VCL: variants seen among roughly 807,000 people sequenced by gnomAD.
VCL encodes the protein epididymis luminal protein 114.
In VCL, 47 loss-of-function variants were observed where a neutral mutation model predicts 125.7. The observed-to-expected ratio is 0.37, with a 90% CI of 0.30 to 0.48. The LOEUF is 0.48. Ranked by LOEUF, VCL falls within the 20% of genes least tolerant of loss-of-function variation. The probability of loss-of-function intolerance (pLI) is 0.99; values close to 1 mark genes in which losing one functional copy is unlikely to be tolerated. For missense variants in VCL, 1,069 were observed against 1,455.5 expected (o/e 0.73, Z 4.32); for synonymous variants, 458 against 514.6 (o/e 0.89, Z 1.49).
chr10:74,093,406 C>A (rs1839919358), intron 10 of VCL, among the ~76,000 whole-genome samples: 1 of 152,188 alleles, frequency 6.6e-6, no homozygotes, highest in African/African-American at 2.4e-5. Flanking sequence ...TATCCAACCT[C>A]ATACCTCCAT....
At chr10:74,053,920 A>AAATGTACCAT (rs1257863929) in intron 2 of VCL, among the ~76,000 whole-genome samples, 3 of 152,150 alleles carry the variant, frequency 2.0e-5, no homozygotes, top group African/African-American at 7.2e-5. Flanking sequence ...AAATTAGAGA[A>AAATGTACCAT]TTTAAAAATT....
At chr10:74,115,035 C>T (rs1591720887) in intron 21 of VCL, 136 bp downstream of exon 21, 1 of 904,858 alleles carries the variant, frequency 1.1e-6, no homozygotes, top group Admixed American at 2.0e-5. Context: ...CAGACTGTCT[C>T]AGGAGGGGAA....
chr10:74,026,203 T>C (rs899302469), intron 1 of VCL, among the ~76,000 whole-genome samples: 3 of 152,228 alleles, frequency 2.0e-5, no homozygotes, highest in Non-Finnish European at 4.4e-5. Flanking sequence ...CCTTTTCCTA[T>C]TGGCATAGCT....
intron 1 of VCL, among the ~76,000 whole-genome samples, chr10:74,001,666 G>A (rs189859804): frequency 2.2e-4 from 34 of 152,218 alleles, no homozygotes; most frequent in African/African-American, 7.2e-4. Context: ...ATTAGAAGAA[G>A]AAATAATAGA....
At chr10:74,035,972 A>ATGT (rs1200547675) in intron 1 of VCL, among the ~76,000 whole-genome samples, 1 of 152,112 alleles carries the variant, frequency 6.6e-6, no homozygotes, top group Non-Finnish European at 1.5e-5. Flanking sequence ...ATGTGGGAGG[A>ATGT]TGTGTGTAAG....
At chr10:74,092,519 G>C (rs1486948784) in intron 10 of VCL, among the ~76,000 whole-genome samples, 1 of 152,152 alleles carries the variant, frequency 6.6e-6, no homozygotes, top group Non-Finnish European at 1.5e-5. Flanking sequence ...GCCAGATCTT[G>C]GGCAACTGGA....
intron 1 of VCL, among the ~76,000 whole-genome samples, chr10:74,015,993 TTTTA>T (rs1419334724): frequency 6.6e-6 from 1 of 151,992 alleles, no homozygotes; most frequent in Non-Finnish European, 1.5e-5. Flanking sequence ...CCTTTTTTCT[TTTTA>T]TTTATTTGCT....
chr10:74,000,646 C>T (rs1840209218), intron 1 of VCL, among the ~76,000 whole-genome samples: 1 of 152,086 alleles, frequency 6.6e-6, no homozygotes, highest in Admixed American at 6.6e-5. Flanking sequence ...ATCTCTTGAC[C>T]TTGTGATTTG....
chr10:74,043,275 C>A, intron 2 of VCL, 122 bp downstream of exon 2: 1 of 903,344 alleles, frequency 1.1e-6, no homozygotes, highest in Non-Finnish European at 1.7e-6. Context: ...ATTGAAATTT[C>A]AACTTTTTTG....
chr10:74,077,631 C>T (rs1391950662), intron 6 of VCL: 2 of 436,228 alleles, frequency 4.6e-6, no homozygotes, highest in Non-Finnish European at 9.2e-6. Flanking sequence ...TCTTTCACCT[C>T]TTCTCGCCCC....
At chr10:73,998,435 C>A (rs1480299508) in intron 1 of VCL, 60 bp downstream of exon 1, 7 of 1,306,340 alleles carry the variant, frequency 5.4e-6, no homozygotes, top group Non-Finnish European at 3.9e-6. Flanking sequence ...GGCCCCGGCC[C>A]GCGTCGCGGC....
At chr10:74,001,565 G>A (rs1840225773) in intron 1 of VCL, among the ~76,000 whole-genome samples, 2 of 152,120 alleles carry the variant, frequency 1.3e-5, no homozygotes, top group Non-Finnish European at 2.9e-5. Context: ...AGACAAATTG[G>A]GAAGCTTTTA....
chr10:74,072,293 A>G (rs1352522770), intron 4 of VCL, among the ~76,000 whole-genome samples: 2 of 152,206 alleles, frequency 1.3e-5, no homozygotes, highest in Non-Finnish European at 2.9e-5. Flanking sequence ...ATATGAAAAC[A>G]AAACATATCA....
At chr10:74,082,624 T>C in intron 7 of VCL, 80 bp downstream of exon 7, 1 of 1,432,962 alleles carries the variant, frequency 7.0e-7, no homozygotes, top group South Asian at 1.2e-5. Context: ...AATTTTCCCA[T>C]AATCTCATCA....
In VCL at chr10:74,115,002, G is replaced by A. The variant is rs878864341; in HGVS notation, c.3258+103G>A. On this transcript the variant is annotated intron_variant, in intron 21 of 21. Transcript: ENST00000211998. Reference sequence around the variant, plus strand: ...ATTTTACCCCTTAATTGAGTATCGAGTATTCAGTATGTGGGATGCACTCAG... The same window carrying A: ...ATTTTACCCCTTAATTGAGTATCGAATATTCAGTATGTGGGATGCACTCAG... The A allele has an allele frequency of 3.7e-6, 4 of 1,074,992 alleles. No individual in the cohort carries two copies. In the Admixed American group the frequency reaches 6.0e-5, roughly 16 times the overall value. 66.6% of individuals were successfully genotyped at this position (1,074,992 alleles called of 1,614,324 possible).
chr10:74,046,540 G>A (rs995504724), intron 2 of VCL, among the ~76,000 whole-genome samples: 19 of 152,308 alleles, frequency 1.2e-4, no homozygotes, highest in South Asian at 2.1e-4. Context: ...ACTGTGCCCC[G>A]GCCTTAGCCT....
intron 10 of VCL, among the ~76,000 whole-genome samples, chr10:74,090,570 C>A (rs1341752629): frequency 6.6e-6 from 1 of 152,042 alleles, no homozygotes; most frequent in East Asian, 1.9e-4. Context: ...TTGTGGCTAG[C>A]TATGAAAAGA....
In VCL at chr10:74,105,103, A is replaced by G. The variant is rs1294163883; in HGVS notation, c.2184A>G (p.Glu728=). 3 of 1,614,096 alleles carry G rather than the reference A, an allele frequency of 1.9e-6. No homozygotes were observed. In the Admixed American group the frequency reaches 5.0e-5, roughly 27 times the overall value. The part of the protein sequence containing the change: ...DTKSLLDASE[E]AIKKDLDKCK... ...AATCTCTGTTGGATGCTTCAGAAGA[A>G]GCAATTAAAAAAGACCTGGACAAGT... The change falls in exon 16 of 22, where the codon GAA becomes GAG. Residue 728 remains glutamate (E), a synonymous_variant. Coordinates refer to ENST00000211998, the MANE Select transcript of VCL (RefSeq NM_014000.3).
rs1491502098 is a variant in VCL at position 74,052,946 on chromosome 10, A to AAAAT, written c.239+9794_239+9795insAATA. On this transcript the variant is annotated intron_variant, in intron 2 of 21. Transcript: ENST00000211998. ...CTACCTGGCTGTGATGAAAAAAAAA[A>AAAAT]ATATATATATATATATATATAGTGC... is the stretch of plus-strand genomic sequence containing the variant. Among the ~76,000 whole-genome samples, 400 of 99,818 alleles carry AAAAT rather than the reference A, an allele frequency of 4.0e-3. 2 individuals are homozygous for AAAAT. The highest frequency in any genetic ancestry group is 0.011 in the African/African-American group (375 of 33,510). The allele number at this position is 99,818 out of a possible 152,430, so 65.5% of individuals were successfully genotyped here. A position where few individuals can be genotyped will look rare whatever the true frequency, so the allele number is the denominator to read the frequency against.
Sources: allele counts gnomAD v4.1 joint callset (sites outside exome capture counted in the v4.1 genomes callset), GRCh38; gene constraint gnomAD v4.1.1; transcripts MANE v1.5; gene names NCBI Gene and HGNC (gene_info 2026-07-23, HGNC 2026-07-21).